Variants in FCHO2 observed in about 807,000 individuals in gnomAD.
FCHO2 encodes the protein F-BAR domain only protein 2.
A neutral mutation model predicts 114.1 loss-of-function variants in FCHO2; 43 were observed. The observed-to-expected ratio is 0.38, with a 90% CI of 0.30 to 0.49. The LOEUF (loss-of-function observed/expected upper bound fraction) is 0.49. Ranked by LOEUF, FCHO2 falls within the 20% of genes least tolerant of loss-of-function variation. The pLI is 0.97. For synonymous variants in FCHO2, 293 were observed against 315.2 expected (o/e 0.93, Z 0.75); for missense variants, 807 against 950.4 (o/e 0.85, Z 1.98).
rs1209308615 is a variant in FCHO2, at chr5:73,077,228, A to G, written c.1692-110A>G. ...ATAAAGGATATAGATATACACACATATAGGTGCGTGTGTGTGTGCGCACGT... is the reference window on the plus strand; with the variant it reads ...ATAAAGGATATAGATATACACACATGTAGGTGCGTGTGTGTGTGCGCACGT... On this transcript the variant is annotated intron_variant, in intron 20 of 25. Coordinates refer to ENST00000430046, the MANE Select transcript of FCHO2 (RefSeq NM_138782.3). The G allele has an allele frequency of 5.0e-5, 42 of 844,720 alleles. No homozygotes were observed. In the Middle Eastern group the frequency reaches 1.3e-3, roughly 25 times the overall value. The allele number at this position is 844,720 out of a possible 1,614,324, so 52.3% of individuals were successfully genotyped here. A position where few individuals can be genotyped will look rare whatever the true frequency, so the allele number is the denominator to read the frequency against.
At chr5:73,023,699 T>C (rs962939644) in intron 8 of FCHO2, among the ~76,000 whole-genome samples, 4 of 142,108 alleles carry the variant, frequency 2.8e-5, no homozygotes, top group African/African-American at 1.0e-4. Context: ...AAACTCCATC[T>C]CAAAAAAAAA....
intron 2 of FCHO2, among the ~76,000 whole-genome samples, chr5:72,973,257 G>GA (rs1752669988): frequency 6.6e-6 from 1 of 152,030 alleles, no homozygotes; most frequent in Admixed American, 6.6e-5. Context: ...CTATTGATTG[G>GA]AATAGTTTCA....
chr5:73,011,784 G>A (rs767023779), intron 6 of FCHO2, among the ~76,000 whole-genome samples: 22 of 152,146 alleles, frequency 1.4e-4, no homozygotes, highest in Middle Eastern at 3.4e-3. Flanking sequence ...GGTGGTACGC[G>A]CCTGTAATCC....
At chr5:73,064,144 C>T (rs141239012) in intron 18 of FCHO2, among the ~76,000 whole-genome samples, 200 bp downstream of exon 18, 1 of 152,088 alleles carries the variant, frequency 6.6e-6, no homozygotes, top group African/African-American at 2.4e-5. Context: ...ACGACATTGT[C>T]CAGGAGGAAA....
At chr5:73,066,290 C>A (rs1742320582) in intron 18 of FCHO2, among the ~76,000 whole-genome samples, 1 of 151,826 alleles carries the variant, frequency 6.6e-6, no homozygotes, top group South Asian at 2.1e-4. Context: ...CAGAGTATTT[C>A]AATATGAGTG....
Position 73,088,075 on chromosome 5 carries a change from C to T in FCHO2, c.2418C>T (p.Tyr806=). 1.2e-6 allele frequency: 2 copies of T among 1,613,454 alleles called. No homozygotes were observed. The highest frequency in any genetic ancestry group is 1.7e-6 in the Non-Finnish European group (2 of 1,179,726). Residue 806 remains tyrosine, a synonymous_variant, in exon 26 of 26, where the codon TAC becomes TAT. Transcript: ENST00000430046. The part of the protein sequence containing the change: ...LIKKRFATGR[Y]LADC ...CTGCTTGGCGTTTTTCAGGACGATA[C>T]CTGGCGGATTGTTGATGGACCTGGG...
intron 5 of FCHO2, among the ~76,000 whole-genome samples, chr5:72,993,843 T>G (rs898854014): frequency 2.0e-5 from 3 of 152,048 alleles, no homozygotes; most frequent in African/African-American, 7.2e-5. Context: ...ATGGAGCACT[T>G]GAAAGAAATG....
intron 17 of FCHO2, among the ~76,000 whole-genome samples, chr5:73,062,198 CT>C (rs1757887502): frequency 6.6e-6 from 1 of 152,060 alleles, no homozygotes; most frequent in South Asian, 2.1e-4. Context: ...CAGTTATCTC[CT>C]TCAGAAGCTT....
At chr5:73,077,618 C>A in intron 21 of FCHO2, 125 bp downstream of exon 21, 1 of 1,065,346 alleles carries the variant, frequency 9.4e-7, no homozygotes. Context: ...TTGCTTGAGC[C>A]CAGTTGTTCA....
intron 8 of FCHO2, among the ~76,000 whole-genome samples, chr5:73,030,364 A>C: frequency 6.6e-6 from 1 of 152,180 alleles, no homozygotes; most frequent in Middle Eastern, 3.2e-3. Context: ...TCATTGGTCC[A>C]GGGTGGATAC....
chr5:72,994,008 T>G (rs1753947105), intron 5 of FCHO2, among the ~76,000 whole-genome samples: 1 of 152,102 alleles, frequency 6.6e-6, no homozygotes, highest in Admixed American at 6.5e-5. Context: ...AAGACTTAAA[T>G]GTAAAACCCA....
At position 72,995,774 on chromosome 5, in the gene FCHO2, T is replaced by A; in HGVS notation, c.495+4910T>A. 1.3e-5 allele frequency among the ~76,000 whole-genome samples: 2 copies of A among 152,054 alleles called. 1 individual carries two copies. The highest frequency in any genetic ancestry group is 4.8e-5 in the African/African-American group (2 of 41,406). On this transcript the variant is annotated intron_variant, in intron 5 of 25. Coordinates refer to ENST00000430046, the MANE Select transcript of FCHO2 (RefSeq NM_138782.3). ...CCTATTTCCATGATAATCCATTGAT[T>A]CATGAACCGATTAATACATTAATAG...
intron 2 of FCHO2, among the ~76,000 whole-genome samples, chr5:72,988,747 TGAA>T (rs1343482993): frequency 2.0e-5 from 3 of 152,208 alleles, no homozygotes; most frequent in Non-Finnish European, 4.4e-5. Flanking sequence ...ATCACAGTGT[TGAA>T]GAATAATAAA....
intron 11 of FCHO2, among the ~76,000 whole-genome samples, chr5:73,050,659 A>G (rs573969609): frequency 1.3e-5 from 2 of 152,178 alleles, no homozygotes; most frequent in African/African-American, 4.8e-5. Context: ...GGTTTGTTTT[A>G]TAGTTTCCTT....
At chr5:73,050,203 A>T (rs1420468454) in intron 11 of FCHO2, among the ~76,000 whole-genome samples, 5 of 151,864 alleles carry the variant, frequency 3.3e-5, no homozygotes, top group Non-Finnish European at 7.4e-5. Flanking sequence ...TGTCCATTTT[A>T]TTATGCTTTG....
chr5:72,996,318 C>A (rs929164996), intron 5 of FCHO2, among the ~76,000 whole-genome samples: 1 of 150,490 alleles, frequency 6.6e-6, no homozygotes, highest in Non-Finnish European at 1.5e-5. Context: ...AAATATTACT[C>A]TTGCAAAGAA....
At position 73,037,167 on chromosome 5, in the gene FCHO2, C is replaced by T; in HGVS notation, c.866C>T (p.Thr289Ile). Residue 289 changes from threonine (T) to isoleucine (I), a missense_variant, in exon 10 of 26, where the codon ACC becomes ATC. By Grantham distance (89) the Thr-to-Ile change is moderately conservative (BLOSUM62 -1). Transcript: ENST00000430046. Reference protein sequence around the residue: ...VEGIKPRKRKTFALPGIIKKE... With the variant: ...VEGIKPRKRKIFALPGIIKKE... ...GGTATAAAACCAAGGAAAAGAAAGA[C>T]CTTTGCTTTGCCAGGAATCATTAAA... The T allele has an allele frequency of 6.3e-7, 1 of 1,590,444 alleles. No homozygotes were observed. Among genetic ancestry groups the T allele is most frequent in the East Asian group, 2.3e-5 (1 of 44,022 alleles).
At chr5:72,977,388 AT>A (rs1441185617) in intron 2 of FCHO2, among the ~76,000 whole-genome samples, 6 of 152,072 alleles carry the variant, frequency 3.9e-5, no homozygotes, top group African/African-American at 1.4e-4. Flanking sequence ...GATGATGAGC[AT>A]TTTCTCTTAT....
intron 2 of FCHO2, among the ~76,000 whole-genome samples, chr5:72,971,256 G>C (rs1752536269): frequency 6.6e-6 from 1 of 151,952 alleles, no homozygotes; most frequent in Non-Finnish European, 1.5e-5. Context: ...TCTAGTTCTA[G>C]ATCCCTGAGG....
Sources: allele counts gnomAD v4.1 joint callset (sites outside exome capture counted in the v4.1 genomes callset), GRCh38; gene constraint gnomAD v4.1.1; transcripts MANE v1.5; gene names NCBI Gene and HGNC (gene_info 2026-07-23, HGNC 2026-07-21).